Variants in SORCS2 observed in about 807,000 individuals in gnomAD.
SORCS2 encodes VPS10 domain-containing receptor SorCS2.
Under a neutral mutation model 141.6 loss-of-function variants are expected in SORCS2, and 100 were observed. The observed-to-expected ratio is 0.71, with a 90% confidence interval of 0.60 to 0.83. SORCS2 has a LOEUF of 0.83. Among genes scored for constraint, SORCS2 ranks in the 40% least tolerant of loss-of-function variants. SORCS2 has a pLI of 0.00. For missense variants in SORCS2, 1,646 were observed against 1,560.2 expected (o/e 1.05, Z -0.93); for synonymous variants, 789 against 676.9 (o/e 1.17, Z -2.57).
chr4:7,344,866 G>T (rs563938416), intron 1 of SORCS2, among the ~76,000 whole-genome samples: 7 of 152,294 alleles, frequency 4.6e-5, no homozygotes, highest in South Asian at 2.1e-4. Flanking sequence ...GGGAGTCTGC[G>T]TGAGGAGCAC....
chr4:7,392,576 A>AG lies in SORCS2; in HGVS notation c.481-3708dup, dbSNP rs1357696656. 3.3e-5 allele frequency among the ~76,000 whole-genome samples: 5 copies of AG among 152,158 alleles called. 1 individual carries two copies. Among genetic ancestry groups the AG allele is most frequent in the Admixed American group, 3.3e-4 (5 of 15,292 alleles). On this transcript the variant is annotated intron_variant, in intron 1 of 26. Transcript: ENST00000507866. ...ATGGAGCTTACTGCCTGGCAGCCTC[A>AG]GGGGCGGGCAGGTTCGGGAATTCCA...
In SORCS2 at chr4:7,623,883, G is replaced by A. The variant is rs112609857; in HGVS notation, c.649-14445G>A. On this transcript the variant is annotated intron_variant, in intron 3 of 26. Coordinates refer to ENST00000507866, the MANE Select transcript of SORCS2 (RefSeq NM_020777.3). The stretch of plus-strand genomic sequence containing the variant: ...CAGGTTCAATGGAGGCTGAAATCAA[G>A]AGCAGAGGAAGAGCAGCGCGCGTCC... Among the ~76,000 whole-genome samples the A allele has an allele frequency of 2.8e-3, 420 of 152,282 alleles. 2 individuals carry two copies. The highest frequency in any genetic ancestry group is 9.8e-3 in the African/African-American group (407 of 41,556).
At chr4:7,223,924 G>A (rs959081001) in intron 1 of SORCS2, among the ~76,000 whole-genome samples, 18 of 152,314 alleles carry the variant, frequency 1.2e-4, no homozygotes, top group East Asian at 7.7e-4. Context: ...CAGTTTTCTC[G>A]TCTGTTCAGA....
intron 4 of SORCS2, among the ~76,000 whole-genome samples, chr4:7,642,257 C>T (rs527442272): frequency 6.6e-6 from 1 of 152,334 alleles, no homozygotes; most frequent in South Asian, 2.1e-4. Flanking sequence ...TGGCCCCTTC[C>T]TTGGGGATGG....
chr4:7,647,890 C>T (rs565036436), intron 4 of SORCS2, among the ~76,000 whole-genome samples: 10 of 152,358 alleles, frequency 6.6e-5, no homozygotes, highest in African/African-American at 1.9e-4. Context: ...GACTCTGAAG[C>T]GTGAACCGTG....
intron 2 of SORCS2, among the ~76,000 whole-genome samples, chr4:7,402,192 A>G (rs1258833489): frequency 6.6e-6 from 1 of 152,116 alleles, no homozygotes; most frequent in Non-Finnish European, 1.5e-5. Flanking sequence ...CTTTTTCCAT[A>G]TATGTTTGGA....
At chr4:7,678,902 A>G (rs1222459944) in intron 9 of SORCS2, among the ~76,000 whole-genome samples, 2 of 152,206 alleles carry the variant, frequency 1.3e-5, no homozygotes, top group East Asian at 3.8e-4. Context: ...TGCAACAGGA[A>G]TGGTAGTGGC....
At chr4:7,625,430 T>C (rs1404005192) in intron 3 of SORCS2, among the ~76,000 whole-genome samples, 1 of 152,020 alleles carries the variant, frequency 6.6e-6, no homozygotes, top group African/African-American at 2.4e-5. Flanking sequence ...ATTGTGAGAA[T>C]ATAATGAGGA....
At chr4:7,210,905 G>C (rs1334659835) in intron 1 of SORCS2, among the ~76,000 whole-genome samples, 2 of 152,146 alleles carry the variant, frequency 1.3e-5, no homozygotes, top group African/African-American at 2.4e-5. Context: ...AGGCAGGCAG[G>C]GGGTAGTCAG....
intron 14 of SORCS2, among the ~76,000 whole-genome samples, chr4:7,710,833 C>T (rs779577671): frequency 1.8e-4 from 27 of 152,234 alleles, no homozygotes; most frequent in Non-Finnish European, 3.7e-4. Flanking sequence ...GTGGGTGTTG[C>T]CACTAGCAGC....
chr4:7,487,769 C>T (rs1731081860), intron 2 of SORCS2, among the ~76,000 whole-genome samples: 1 of 152,180 alleles, frequency 6.6e-6, no homozygotes, highest in Non-Finnish European at 1.5e-5. Flanking sequence ...CTCTGCATCT[C>T]TTTCTCTCAA....
chr4:7,558,738 T>G (rs1041055126), intron 3 of SORCS2, among the ~76,000 whole-genome samples: 2 of 152,190 alleles, frequency 1.3e-5, no homozygotes, highest in Admixed American at 1.3e-4. Flanking sequence ...CAGGGGGCTT[T>G]TGGTCTGGCC....
intron 1 of SORCS2, among the ~76,000 whole-genome samples, chr4:7,337,107 T>C (rs907292924): frequency 6.6e-6 from 1 of 152,106 alleles, no homozygotes; most frequent in Non-Finnish European, 1.5e-5. Flanking sequence ...CATGACCCAC[T>C]CCCGTCTGGA....
intron 1 of SORCS2, among the ~76,000 whole-genome samples, chr4:7,275,470 G>A (rs769855799): frequency 1.3e-5 from 2 of 152,178 alleles, no homozygotes; most frequent in African/African-American, 2.4e-5. Context: ...GCTCTGCGAT[G>A]TTGCCAGAGG....
intron 1 of SORCS2, among the ~76,000 whole-genome samples, chr4:7,269,353 C>G (rs1470078778): frequency 6.6e-6 from 1 of 152,204 alleles, no homozygotes; most frequent in Admixed American, 6.5e-5. Flanking sequence ...TGACATGCGG[C>G]CAGGTGATGT....
chr4:7,680,888 G>T (rs1218756501), intron 9 of SORCS2, among the ~76,000 whole-genome samples: 1 of 152,194 alleles, frequency 6.6e-6, no homozygotes, highest in African/African-American at 2.4e-5. Context: ...CAAAAGATCT[G>T]TACCACCATG....
In SORCS2 at chr4:7,654,128, C is replaced by T. The variant is rs2285789; in HGVS notation, c.814-6C>T. 0.69 allele frequency: 1,078,578 copies of T among 1,567,860 alleles called. 383,421 individuals are homozygous for T. Among genetic ancestry groups the T allele is most frequent in the East Asian group, 0.87 (36,863 of 42,450 alleles). ...CAAGCTTTTGTTTCTTTTTTCTGCCCTAAAGCTCTACGTGTCATCTGACTT... is the reference window on the plus strand; with the variant it reads ...CAAGCTTTTGTTTCTTTTTTCTGCCTTAAAGCTCTACGTGTCATCTGACTT... On this transcript the variant is annotated splice_region_variant and splice_polypyrimidine_tract_variant and intron_variant, in intron 4 of 26. Transcript: ENST00000507866.
intron 3 of SORCS2, among the ~76,000 whole-genome samples, chr4:7,570,676 G>T (rs745782624): frequency 6.6e-6 from 1 of 152,160 alleles, no homozygotes; most frequent in African/African-American, 2.4e-5. Flanking sequence ...TGGCTTCCTG[G>T]TTCTGCTTTT....
intron 3 of SORCS2, among the ~76,000 whole-genome samples, chr4:7,541,144 C>T (rs545631092): frequency 6.6e-6 from 1 of 152,360 alleles, no homozygotes; most frequent in African/African-American, 2.4e-5. Flanking sequence ...ACTGGCATTA[C>T]ACTTCGGGAG....
Sources: gnomAD v4.1 joint callset for allele counts (sites outside exome capture counted in the v4.1 genomes callset) on GRCh38, gnomAD v4.1.1 for gene constraint, MANE v1.5 for transcripts, NCBI Gene and HGNC (gene_info 2026-07-23, HGNC 2026-07-21) for gene names.